Variants in LIPC observed in about 807,000 individuals in gnomAD.
LIPC encodes the protein lipase C, hepatic type, also known as hepatic triacylglycerol lipase.
Under a neutral mutation model 50.7 loss-of-function variants are expected in LIPC, and 44 were observed. The ratio of observed to expected loss-of-function variants is 0.87; its 90% CI spans 0.68 to 1.11. The LOEUF (loss-of-function observed/expected upper bound fraction) is 1.11. LIPC is among the 50% of genes most tolerant of loss of function. The pLI is 0.00. For missense variants in LIPC, 697 were observed against 648.2 expected (o/e 1.08, Z -0.82); for synonymous variants, 271 against 256.4 (o/e 1.06, Z -0.54).
intron 1 of LIPC, among the ~76,000 whole-genome samples, chr15:58,455,171 G>T (rs908359597): frequency 2.0e-5 from 3 of 152,200 alleles, no homozygotes; most frequent in African/African-American, 7.2e-5. Flanking sequence ...AGGGTTTGAT[G>T]TATTGTTTTG....
At chr15:58,558,397 C>T (rs1199595801) in intron 6 of LIPC, among the ~76,000 whole-genome samples, 3 of 152,176 alleles carry the variant, frequency 2.0e-5, no homozygotes, top group African/African-American at 4.8e-5. Flanking sequence ...TCACCCACAG[C>T]CTCTTTTGCT....
At chr15:58,454,038 A>G (rs1894016554) in intron 1 of LIPC, among the ~76,000 whole-genome samples, 1 of 152,196 alleles carries the variant, frequency 6.6e-6, no homozygotes, top group Non-Finnish European at 1.5e-5. Context: ...TTAACCTATA[A>G]GGAAACAGGC....
intron 1 of LIPC, among the ~76,000 whole-genome samples, chr15:58,506,446 G>C (rs1444965028): frequency 6.6e-6 from 1 of 152,180 alleles, no homozygotes; most frequent in East Asian, 1.9e-4. Flanking sequence ...CAGATCAGGA[G>C]AGAGGCCTTT....
chr15:58,467,094 GTTTCT>G, intron 1 of LIPC, among the ~76,000 whole-genome samples: 2 of 152,220 alleles, frequency 1.3e-5, no homozygotes, highest in East Asian at 3.9e-4. Context: ...GATTCTGATA[GTTTCT>G]TTTGTTTTTC....
rs181703812 is a variant in LIPC at position 58,524,402 on chromosome 15, C to T, written c.89-13931C>T. 7.2e-5 allele frequency among the ~76,000 whole-genome samples: 11 copies of T among 152,328 alleles called. No individual in the cohort carries two copies. The East Asian group carries it at 2.1e-3, about 29-fold the overall frequency. ...TACAGACAATCCTGCAATGAATGAC[C>T]TTGCATTAATTTCATTTCGTAAGTG... On this transcript the variant is annotated intron_variant, in intron 1 of 8. Transcript: ENST00000299022.
intron 2 of LIPC, 124 bp from the exon 3 acceptor site, chr15:58,541,661 C>T: frequency 7.2e-6 from 7 of 967,980 alleles, no homozygotes; most frequent in Middle Eastern, 6.2e-4. Flanking sequence ...AAAATGTCAA[C>T]TGTGCATGGC....
chr15:58,451,901 G>A (rs891787171), intron 1 of LIPC, among the ~76,000 whole-genome samples: 2 of 152,196 alleles, frequency 1.3e-5, no homozygotes, highest in Non-Finnish European at 2.9e-5. Context: ...AGCAGACCTC[G>A]TGAGTGTGGG....
At chr15:58,466,268 GC>G (rs2140725156) in intron 1 of LIPC, among the ~76,000 whole-genome samples, 1 of 152,342 alleles carries the variant, frequency 6.6e-6, no homozygotes, top group East Asian at 1.9e-4. Context: ...AGAACTCCTA[GC>G]GGGTGACTCA....
chr15:58,511,306 G>T (rs115465164), intron 1 of LIPC, among the ~76,000 whole-genome samples: 1 of 152,288 alleles, frequency 6.6e-6, no homozygotes, highest in Non-Finnish European at 1.5e-5. Flanking sequence ...TCTGCCTGGG[G>T]AGGGAGTGTG....
intron 1 of LIPC, among the ~76,000 whole-genome samples, chr15:58,461,316 G>A (rs1408966012): frequency 1.3e-5 from 2 of 152,196 alleles, no homozygotes; most frequent in Admixed American, 6.5e-5. Context: ...TAAGGAAACT[G>A]AAGTTTATAG....
In LIPC at chr15:58,563,718, G is replaced by A. The variant is rs754557409; in HGVS notation, c.1383G>A (p.Gln461=). The A allele has an allele frequency of 1.2e-6, 2 of 1,612,412 alleles. No individual in the cohort carries two copies. Among genetic ancestry groups the A allele is most frequent in the Non-Finnish European group, 1.7e-6 (2 of 1,179,760 alleles). Residue 461 remains glutamine (Q), a synonymous_variant, in exon 8 of 9, where the codon CAG becomes CAA. Transcript: ENST00000299022. ...TCAGAGTCAAAGCAGGAGAAACCCA[G>A]CAAAGGTGACTGCTGATTCAATCTC... The part of the protein sequence containing the change: ...KTIRVKAGET[Q]QRMTFCSENT...
chr15:58,538,175 C>T (rs1188146965), intron 1 of LIPC, among the ~76,000 whole-genome samples, 158 bp from the exon 2 acceptor site: 2 of 152,214 alleles, frequency 1.3e-5, no homozygotes, highest in Non-Finnish European at 2.9e-5. Flanking sequence ...CCACTGGAAA[C>T]AGTCTTTGGG....
intron 1 of LIPC, among the ~76,000 whole-genome samples, chr15:58,451,072 T>TC (rs1480181732): frequency 6.6e-6 from 1 of 152,050 alleles, no homozygotes; most frequent in African/African-American, 2.4e-5. Flanking sequence ...CAGGCTACCC[T>TC]CCCCATCAAA....
chr15:58,520,337 A>G (rs1892617761), intron 1 of LIPC, among the ~76,000 whole-genome samples: 1 of 152,028 alleles, frequency 6.6e-6, no homozygotes, highest in African/African-American at 2.4e-5. Flanking sequence ...GCAGCCCCCA[A>G]AGTAGTTCCA....
rs547949227 is a variant in LIPC, at chr15:58,455,937, A to G, written c.88+23817A>G. Among the ~76,000 whole-genome samples, 3 of 152,292 alleles carry G rather than the reference A, an allele frequency of 2.0e-5. No individual in the cohort carries two copies. The East Asian group carries it at 5.8e-4, about 29-fold the overall frequency. ...CATAAAAAGAGACCTAACAGCCCAG[A>G]GCAGCACTTGTTAAGGACCCAAGGC... is the stretch of plus-strand genomic sequence containing the variant. On this transcript the variant is annotated intron_variant, in intron 1 of 8. Transcript: ENST00000299022.
At chr15:58,441,336 T>A (rs1246896399) in intron 1 of LIPC, among the ~76,000 whole-genome samples, 1 of 152,244 alleles carries the variant, frequency 6.6e-6, no homozygotes, top group African/African-American at 2.4e-5. Context: ...ATCTTCCATC[T>A]TAAAAATATC....
rs143766934 is a variant in LIPC, at chr15:58,496,189, TG to T, written c.89-42142del. 3.1e-3 allele frequency among the ~76,000 whole-genome samples: 471 copies of T among 152,236 alleles called. 1 individual carries two copies. Among genetic ancestry groups the T allele is most frequent in the African/African-American group, 0.011 (448 of 41,532 alleles). ...GGCAATATCTGGGGGCATCTTTGCT[TG>T]GCACAGCTGGAGAAGAGGATGTTAC... On this transcript the variant is annotated intron_variant, in intron 1 of 8. Transcript: ENST00000299022.
chr15:58,567,169 T>C (rs1294159435), intron 8 of LIPC, among the ~76,000 whole-genome samples: 1 of 137,898 alleles, frequency 7.3e-6, no homozygotes. Context: ...ACCACTGCAC[T>C]CCAGCCTGGC....
At chr15:58,511,586 C>A (rs941187160) in intron 1 of LIPC, among the ~76,000 whole-genome samples, 1 of 152,142 alleles carries the variant, frequency 6.6e-6, no homozygotes, top group African/African-American at 2.4e-5. Context: ...GACAAGGGCA[C>A]CCTGCTGGTT....
Sources: gnomAD v4.1 joint callset for allele counts (sites outside exome capture counted in the v4.1 genomes callset) on GRCh38, gnomAD v4.1.1 for gene constraint, MANE v1.5 for transcripts, NCBI Gene and HGNC (gene_info 2026-07-23, HGNC 2026-07-21) for gene names.